Variants in TEAD1 observed in about 807,000 individuals in gnomAD.
TEAD1 encodes the protein TEA domain transcription factor 1, also known as transcriptional enhancer factor TEF-1.
TEAD1 carries 9 observed loss-of-function variants against 54.9 expected under a neutral mutation model. The ratio of observed to expected loss-of-function variants is 0.16; its 90% CI spans 0.10 to 0.29. The LOEUF (loss-of-function observed/expected upper bound fraction) is 0.29. TEAD1 is among the 10% of genes least tolerant of loss of function. The probability of loss-of-function intolerance (pLI) is 1.00; values close to 1 mark genes in which losing one functional copy is unlikely to be tolerated. For synonymous variants in TEAD1, 200 were observed against 187.8 expected, an observed-to-expected ratio of 1.07 and a Z score of -0.53; for missense variants, 387 against 535.9, an observed-to-expected ratio of 0.72 and a Z score of 2.74.
rs79520617 is a variant in TEAD1, at chr11:12,889,443, G to T, written c.699+6318G>T. Among the ~76,000 whole-genome samples the T allele has an allele frequency of 4.7e-4, 72 of 152,326 alleles. 1 individual carries two copies. In the East Asian group the frequency reaches 0.013, roughly 27 times the overall value. On this transcript the variant is annotated intron_variant, in intron 9 of 12. Coordinates refer to ENST00000527636, the MANE Select transcript of TEAD1 (RefSeq NM_021961.6). ...TGGCAAACCCCTGCCTGCTCAGACTGCCCGGTCACCAGGCTGTGTGTCTCA... is the reference window on the plus strand; with the variant it reads ...TGGCAAACCCCTGCCTGCTCAGACTTCCCGGTCACCAGGCTGTGTGTCTCA...
At chr11:12,696,331 C>T (rs989022008) in intron 2 of TEAD1, among the ~76,000 whole-genome samples, 1 of 152,198 alleles carries the variant, frequency 6.6e-6, no homozygotes, top group Non-Finnish European at 1.5e-5. Flanking sequence ...ACTCTGTCTC[C>T]TGCCTCTTTT....
Position 12,882,987 on chromosome 11 carries a change from G to T in TEAD1, c.575-14G>T. 2.5e-6 allele frequency: 4 copies of T among 1,614,102 alleles called. No homozygotes were observed. Among genetic ancestry groups the T allele is most frequent in the Non-Finnish European group, 1.7e-6 (2 of 1,180,018 alleles). On this transcript the variant is annotated splice_polypyrimidine_tract_variant and intron_variant, in intron 8 of 12. Transcript: ENST00000527636. ...GTGAGTGACCAGCATCAAAGGTGACGATTGCTCTTTCAGGGTTTGAGCCTG... is the reference window on the plus strand; with the variant it reads ...GTGAGTGACCAGCATCAAAGGTGACTATTGCTCTTTCAGGGTTTGAGCCTG...
At chr11:12,820,563 A>C (rs959437898) in intron 3 of TEAD1, among the ~76,000 whole-genome samples, 13 of 152,170 alleles carry the variant, frequency 8.5e-5, no homozygotes, top group Non-Finnish European at 1.6e-4. Context: ...ACCCTAAAAG[A>C]AGACTTTGGA....
chr11:12,932,260 T>G (rs528201688), intron 12 of TEAD1, among the ~76,000 whole-genome samples: 15 of 152,228 alleles, frequency 9.9e-5, no homozygotes, highest in African/African-American at 3.4e-4. Context: ...ATATAGCAGG[T>G]GCTTGACATA....
chr11:12,713,353 C>T (rs1019885012), intron 2 of TEAD1, among the ~76,000 whole-genome samples: 7 of 152,218 alleles, frequency 4.6e-5, no homozygotes, highest in Non-Finnish European at 1.5e-5. Context: ...GCTCCTCAAA[C>T]CCGTGCCCAC....
At chr11:12,814,797 G>C (rs1333566349) in intron 3 of TEAD1, among the ~76,000 whole-genome samples, 2 of 56,700 alleles carry the variant, frequency 3.5e-5, no homozygotes, top group East Asian at 4.5e-4. Context: ...GTGTGTGTGT[G>C]TGTGTGTGTG....
chr11:12,782,510 G>A (rs1291371955), intron 3 of TEAD1, among the ~76,000 whole-genome samples: 1 of 152,186 alleles, frequency 6.6e-6, no homozygotes, highest in Non-Finnish European at 1.5e-5. Flanking sequence ...AAATGGGTAT[G>A]GAGTTCTTTC....
intron 3 of TEAD1, among the ~76,000 whole-genome samples, chr11:12,854,535 G>A (rs1462242001): frequency 6.6e-6 from 1 of 152,130 alleles, no homozygotes; most frequent in East Asian, 1.9e-4. Context: ...CAGTTCTCAT[G>A]GGTTGGAGTT....
At position 12,895,905 on chromosome 11, in the gene TEAD1, G is replaced by A. The variant is rs115431720; in HGVS notation, c.700-6035G>A. On this transcript the variant is annotated intron_variant, in intron 9 of 12. Coordinates refer to ENST00000527636, the MANE Select transcript of TEAD1 (RefSeq NM_021961.6). Reference sequence around the variant, plus strand: ...TTGACTTCTTAACATAGAAGACTACGATTTAGTTCTCTAAATTTAGTATAT... The same window carrying A: ...TTGACTTCTTAACATAGAAGACTACAATTTAGTTCTCTAAATTTAGTATAT... Among the ~76,000 whole-genome samples the A allele has an allele frequency of 8.0e-3, 1,215 of 151,346 alleles. 22 individuals carry two copies. The highest frequency in any genetic ancestry group is 0.028 in the African/African-American group (1,161 of 41,156).
Position 12,836,419 on chromosome 11 carries a change from CA to C in TEAD1, c.203-25814del, listed in dbSNP as rs34899154. ...TGGGTGACAGAGCGAGACTCCGTCT[CA>C]AAAAAAAAAAAAAAAATTGTTGCTT... On this transcript the variant is annotated intron_variant, in intron 3 of 12. Transcript: ENST00000527636. Among the ~76,000 whole-genome samples, 1,160 of 132,452 alleles carry C rather than the reference CA, an allele frequency of 8.8e-3. 6 individuals carry two copies. The highest frequency in any genetic ancestry group is 0.014 in the African/African-American group (475 of 34,892). The allele number at this position is 132,452 out of a possible 152,430, so 86.9% of individuals were successfully genotyped here. A position where few individuals can be genotyped will look rare whatever the true frequency, so the allele number is the denominator to read the frequency against.
chr11:12,836,227 C>T (rs1389798828), intron 3 of TEAD1, among the ~76,000 whole-genome samples: 1 of 151,822 alleles, frequency 6.6e-6, no homozygotes. Flanking sequence ...AAGACCATCC[C>T]GGCTAACACG....
intron 10 of TEAD1, among the ~76,000 whole-genome samples, chr11:12,902,464 A>G (rs1256447892): frequency 1.3e-5 from 2 of 152,240 alleles, no homozygotes; most frequent in Non-Finnish European, 2.9e-5. Flanking sequence ...CCCAGTGTAT[A>G]CTTCATTTGT....
intron 3 of TEAD1, among the ~76,000 whole-genome samples, chr11:12,797,589 C>G (rs1945960608): frequency 6.6e-6 from 1 of 151,416 alleles, no homozygotes; most frequent in Non-Finnish European, 1.5e-5. Context: ...AACCTTTCTT[C>G]CTCTTCCTGA....
intron 2 of TEAD1, among the ~76,000 whole-genome samples, chr11:12,700,625 C>G (rs1407534510): frequency 6.6e-6 from 1 of 152,104 alleles, no homozygotes; most frequent in Non-Finnish European, 1.5e-5. Context: ...AGGAGGATTT[C>G]TAGAAATTAT....
intron 3 of TEAD1, among the ~76,000 whole-genome samples, chr11:12,839,134 G>T (rs1464733748): frequency 6.6e-6 from 1 of 151,988 alleles, no homozygotes; most frequent in Admixed American, 6.6e-5. Flanking sequence ...CTGGGAGCCG[G>T]GCATGGTGGC....
At chr11:12,861,412 T>C (rs1204961477) in intron 3 of TEAD1, among the ~76,000 whole-genome samples, 13 of 152,170 alleles carry the variant, frequency 8.5e-5, no homozygotes, top group African/African-American at 3.1e-4. Flanking sequence ...TGACTACCTT[T>C]AGGGGGTGTC....
At chr11:12,705,908 A>G (rs1319236504) in intron 2 of TEAD1, among the ~76,000 whole-genome samples, 4 of 152,324 alleles carry the variant, frequency 2.6e-5, no homozygotes, top group Non-Finnish European at 4.4e-5. Context: ...TTGTCTGACA[A>G]AGAAACTCCA....
At chr11:12,895,239 G>A (rs1202147209) in intron 9 of TEAD1, among the ~76,000 whole-genome samples, 1 of 152,100 alleles carries the variant, frequency 6.6e-6, no homozygotes, top group Non-Finnish European at 1.5e-5. Flanking sequence ...CAAGTGAATG[G>A]TTGACTTTCG....
At chr11:12,739,112 G>A (rs1351786423) in intron 2 of TEAD1, among the ~76,000 whole-genome samples, 3 of 152,180 alleles carry the variant, frequency 2.0e-5, no homozygotes, top group African/African-American at 7.2e-5. Flanking sequence ...TGGAATATGA[G>A]TGCTCCAGCA....
Sources: gnomAD v4.1 joint callset for allele counts (sites outside exome capture counted in the v4.1 genomes callset) on GRCh38, gnomAD v4.1.1 for gene constraint, MANE v1.5 for transcripts, NCBI Gene and HGNC (gene_info 2026-07-23, HGNC 2026-07-21) for gene names.